The following DGKB variants were observed in gnomAD, a reference collection of about 807,000 sequenced individuals.
DGKB encodes 90 kDa diacylglycerol kinase.
A neutral mutation model predicts 114.3 loss-of-function variants in DGKB; 67 were observed. That is an observed-to-expected ratio of 0.59 (90% CI 0.48 to 0.72). The LOEUF (loss-of-function observed/expected upper bound fraction) is 0.72, where lower values mean the gene tolerates loss of function less well. Ranked by LOEUF, DGKB falls within the 30% of genes least tolerant of loss-of-function variation. DGKB has a pLI of 0.00. For missense variants in DGKB, 907 were observed against 975.2 expected, an observed-to-expected ratio of 0.93 and a Z score of 0.93; for synonymous variants, 398 against 323.1, an observed-to-expected ratio of 1.23 and a Z score of -2.49.
upstream of DGKB, among the ~76,000 whole-genome samples, chr7:14,907,704 T>C (rs1423522465): frequency 2.0e-5 from 3 of 152,206 alleles, no homozygotes; most frequent in Admixed American, 6.5e-5. Context: ...TGAATGGTGA[T>C]GGCAGAATCT....
chr7:14,232,162 G>C (rs1302779665), intron 23 of DGKB, among the ~76,000 whole-genome samples: 1 of 151,706 alleles, frequency 6.6e-6, no homozygotes, highest in East Asian at 1.9e-4. Context: ...TAATATAAGA[G>C]GATTAAATGA....
chr7:14,819,567 G>T (rs1191686956), intron 2 of DGKB, among the ~76,000 whole-genome samples: 2 of 152,046 alleles, frequency 1.3e-5, no homozygotes, highest in East Asian at 3.9e-4. Flanking sequence ...TCCAGCATGG[G>T]TTACAGAGTG....
At chr7:14,151,976 C>G (rs1477958867) in intron 25 of DGKB, among the ~76,000 whole-genome samples, 1 of 151,712 alleles carries the variant, frequency 6.6e-6, no homozygotes, top group African/African-American at 2.4e-5. Context: ...GGTGTAGGCT[C>G]TAGGAAGCTG....
intron 1 of DGKB, among the ~76,000 whole-genome samples, chr7:14,963,648 TG>T (rs1786988569): frequency 6.6e-6 from 1 of 152,144 alleles, no homozygotes; most frequent in Admixed American, 6.6e-5. Flanking sequence ...TCAGAGACAA[TG>T]GTTGGACAAT....
chr7:14,256,492 G>C (rs192735466), intron 23 of DGKB, among the ~76,000 whole-genome samples: 4 of 151,426 alleles, frequency 2.6e-5, no homozygotes, highest in Admixed American at 2.0e-4. Flanking sequence ...CATTTTGATA[G>C]TTTAGAATTT....
intron 23 of DGKB, among the ~76,000 whole-genome samples, chr7:14,305,177 A>G (rs531802904): frequency 2.6e-5 from 4 of 152,224 alleles, no homozygotes; most frequent in African/African-American, 9.6e-5. Flanking sequence ...AATATATGAT[A>G]AATTATTGTT....
At chr7:14,175,309 T>C (rs542290689) in intron 25 of DGKB, among the ~76,000 whole-genome samples, 1 of 152,206 alleles carries the variant, frequency 6.6e-6, no homozygotes, top group South Asian at 2.1e-4. Context: ...GCACAATGCT[T>C]GTGCAAGATT....
At chr7:14,371,863 C>G (rs1240357106) in intron 21 of DGKB, among the ~76,000 whole-genome samples, 2 of 152,138 alleles carry the variant, frequency 1.3e-5, no homozygotes, top group African/African-American at 4.8e-5. Context: ...GAGGTATTTT[C>G]CACAGTTCTG....
chr7:14,533,951 A>G (rs1792006405), intron 20 of DGKB, among the ~76,000 whole-genome samples: 1 of 152,100 alleles, frequency 6.6e-6, no homozygotes, highest in Non-Finnish European at 1.5e-5. Flanking sequence ...GCTATTCAGC[A>G]ACATGAAAGC....
chr7:14,313,884 C>A (rs1009795166), intron 23 of DGKB, among the ~76,000 whole-genome samples: 4 of 152,232 alleles, frequency 2.6e-5, no homozygotes, highest in Non-Finnish European at 4.4e-5. Flanking sequence ...ATGCCCCTGT[C>A]TGACAGCTTT....
intron 13 of DGKB, among the ~76,000 whole-genome samples, chr7:14,639,182 T>A (rs1014123545): frequency 6.6e-6 from 1 of 152,126 alleles, no homozygotes; most frequent in African/African-American, 2.4e-5. Flanking sequence ...ACATAATTTA[T>A]AAAGTGTGGG....
chr7:14,187,462 G>A (rs1360025036), intron 23 of DGKB, among the ~76,000 whole-genome samples: 2 of 152,152 alleles, frequency 1.3e-5, no homozygotes, highest in African/African-American at 4.8e-5. Flanking sequence ...CCAACAGCTG[G>A]TCCAGTGATA....
chr7:14,435,657 G>C (rs1188595588), intron 21 of DGKB, among the ~76,000 whole-genome samples: 1 of 151,964 alleles, frequency 6.6e-6, no homozygotes, highest in Non-Finnish European at 1.5e-5. Context: ...ATCTTTGATG[G>C]CTTTTGTGCC....
intron 24 of DGKB, among the ~76,000 whole-genome samples, chr7:14,177,609 G>C (rs961967397): frequency 6.9e-6 from 1 of 144,840 alleles, no homozygotes; most frequent in Non-Finnish European, 1.5e-5. Context: ...CAAAAAAAAT[G>C]CTTGAAAAAG....
chr7:14,447,917 A>G (rs1173066011), intron 21 of DGKB, among the ~76,000 whole-genome samples: 1 of 152,132 alleles, frequency 6.6e-6, no homozygotes, highest in Non-Finnish European at 1.5e-5. Flanking sequence ...CTTGGTCAAA[A>G]TAAAACTATC....
intron 1 of DGKB, among the ~76,000 whole-genome samples, chr7:14,852,487 C>CAAAAAAACAAAAACAAAAA (rs1554304213): frequency 7.9e-5 from 5 of 63,618 alleles, no homozygotes; most frequent in East Asian, 1.0e-3. Context: ...TAGTGAAAGT[C>CAAAAAAACAAAAACAAAAA]AAAAAAAAAA....
intron 23 of DGKB, among the ~76,000 whole-genome samples, chr7:14,251,341 A>G (rs1452134798): frequency 6.6e-6 from 1 of 151,954 alleles, no homozygotes; most frequent in African/African-American, 2.4e-5. Flanking sequence ...TTATAATTAG[A>G]ATAGTCTTTT....
At chr7:14,265,747 T>G (rs1187866647) in intron 23 of DGKB, among the ~76,000 whole-genome samples, 1 of 152,318 alleles carries the variant, frequency 6.6e-6, no homozygotes, top group East Asian at 1.9e-4. Flanking sequence ...GACAACAGTA[T>G]CTGGCACATA....
chr7:14,685,221 T>A (rs1269753812), intron 10 of DGKB, 24 bp downstream of exon 10: 9 of 1,502,268 alleles, frequency 6.0e-6, no homozygotes, highest in Non-Finnish European at 7.4e-6. Flanking sequence ...GGAGATGATG[T>A]CCAGGCAGAG....
Sources: gnomAD v4.1 joint callset for allele counts (sites outside exome capture counted in the v4.1 genomes callset) on GRCh38, gnomAD v4.1.1 for gene constraint, MANE v1.5 for transcripts, NCBI Gene and HGNC (gene_info 2026-07-23, HGNC 2026-07-21) for gene names.